Variants in GABRR1 observed in about 807,000 individuals in gnomAD.
GABRR1 encodes the protein gamma-aminobutyric acid type A receptor subunit rho1.
In GABRR1, 59 loss-of-function variants were observed where a neutral mutation model predicts 55.5. The ratio of observed to expected loss-of-function variants is 1.06; its 90% CI spans 0.86 to 1.32. The LOEUF (loss-of-function observed/expected upper bound fraction) is 1.32. Ranked by LOEUF, GABRR1 falls within the 40% of genes most tolerant of loss-of-function variation. The probability of loss-of-function intolerance (pLI) is 0.00; values close to 1 mark genes in which losing one functional copy is unlikely to be tolerated. For missense variants in GABRR1, 602 were observed against 619.1 expected, an observed-to-expected ratio of 0.97 and a Z score of 0.29; for synonymous variants, 213 against 226.0, an observed-to-expected ratio of 0.94 and a Z score of 0.51.
chr6:89,184,243 G>A (rs1263864947), intron 7 of GABRR1, among the ~76,000 whole-genome samples: 5 of 121,834 alleles, frequency 4.1e-5, no homozygotes, highest in Non-Finnish European at 6.5e-5. Context: ...GTGAGACTCC[G>A]TCTCAAAAAA....
chr6:89,192,409 T>C (rs1328906160), intron 5 of GABRR1, among the ~76,000 whole-genome samples: 1 of 152,014 alleles, frequency 6.6e-6, no homozygotes, highest in East Asian at 1.9e-4. Flanking sequence ...CTGCACAGTG[T>C]CCCAAACTGC....
At chr6:89,188,656 C>T (rs185431104) in intron 6 of GABRR1, among the ~76,000 whole-genome samples, 1 of 152,140 alleles carries the variant, frequency 6.6e-6, no homozygotes, top group East Asian at 1.9e-4. Flanking sequence ...TTCTGGATAT[C>T]AATCCTTTAT....
chr6:89,181,840 C>T, intron 8 of GABRR1, 65 bp downstream of exon 8: 1 of 1,437,220 alleles, frequency 7.0e-7, no homozygotes, highest in Non-Finnish European at 9.4e-7. Context: ...ATGGTTTTAT[C>T]TGGAAGGAAT....
At chr6:89,196,970 G>T (rs546863318) in intron 5 of GABRR1, among the ~76,000 whole-genome samples, 5 of 152,132 alleles carry the variant, frequency 3.3e-5, no homozygotes, top group African/African-American at 1.2e-4. Flanking sequence ...TGGGGAAGGG[G>T]TTGCACATCC....
At chr6:89,213,001 T>G (rs574142472) in intron 1 of GABRR1, among the ~76,000 whole-genome samples, 76 of 152,254 alleles carry the variant, frequency 5.0e-4, no homozygotes, top group Middle Eastern at 3.4e-3. Context: ...TCTAGAAACA[T>G]TGCCCAGTGC....
intron 5 of GABRR1, among the ~76,000 whole-genome samples, chr6:89,192,141 T>G (rs1772114123): frequency 6.6e-6 from 1 of 150,814 alleles, no homozygotes; most frequent in Admixed American, 6.6e-5. Flanking sequence ...GACAGGGAGG[T>G]GGGCGCAGGG....
chr6:89,226,141 G>A (rs1284890134), intron 1 of GABRR1, among the ~76,000 whole-genome samples: 1 of 151,858 alleles, frequency 6.6e-6, no homozygotes, highest in Non-Finnish European at 1.5e-5. Flanking sequence ...ATTTGTTTGA[G>A]TTCATTGTAG....
intron 1 of GABRR1, among the ~76,000 whole-genome samples, chr6:89,230,843 C>T (rs1478790290): frequency 1.3e-5 from 2 of 149,964 alleles, no homozygotes; most frequent in Admixed American, 6.6e-5. Flanking sequence ...TGGGCAATGG[C>T]GGGCACCCCT....
chr6:89,205,494 A>G (rs1772613489), intron 1 of GABRR1: 1 of 152,262 alleles, frequency 6.6e-6, no homozygotes, highest in African/African-American at 2.4e-5. Flanking sequence ...CATAGGGTGT[A>G]CATTTGTTGA....
At position 89,182,069 on chromosome 6, in the gene GABRR1, A is replaced by C. The variant is rs1399381773; in HGVS notation, c.797-12T>G. 15 of 1,613,844 alleles carry C rather than the reference A, an allele frequency of 9.3e-6. No homozygotes were observed. The highest frequency in any genetic ancestry group is 1.3e-5 in the Non-Finnish European group (15 of 1,179,794). On this transcript the variant is annotated splice_polypyrimidine_tract_variant and intron_variant, in intron 7 of 9. Transcript: ENST00000454853. ...ACGGTTGTACCAGCCTGGGGGACAC[A>C]GGAATAAAAGACAGTACACATCATG... is the stretch of plus-strand genomic sequence containing the variant.
At chr6:89,221,382 C>T (rs550827926), upstream of GABRR1, 3 of 152,344 alleles carry the variant, frequency 2.0e-5, no homozygotes, top group Admixed American at 2.0e-4. Context: ...TTTCTAGCCA[C>T]AGTCAGCCCT....
intron 6 of GABRR1, 45 bp downstream of exon 6, chr6:89,190,120 A>G: frequency 7.4e-7 from 1 of 1,356,868 alleles, no homozygotes; most frequent in Non-Finnish European, 1.0e-6. Flanking sequence ...GGTGTTGAGA[A>G]TTATCAGGAG....
chr6:89,218,559 C>T (rs1773060945), upstream of GABRR1, among the ~76,000 whole-genome samples: 1 of 152,192 alleles, frequency 6.6e-6, no homozygotes, highest in African/African-American at 2.4e-5. Flanking sequence ...AACTCTTACC[C>T]AGTCTCTCTA....
chr6:89,230,952 A>T (rs1290430569), intron 1 of GABRR1, among the ~76,000 whole-genome samples: 2 of 151,644 alleles, frequency 1.3e-5, no homozygotes, highest in African/African-American at 2.4e-5. Flanking sequence ...CAGGTGTGGG[A>T]TATAGTCTCG....
rs192974440 is a variant in GABRR1, at chr6:89,180,727, G to A, written c.950-239C>T. On this transcript the variant is annotated intron_variant, in intron 8 of 9. Transcript: ENST00000454853. Reference sequence around the variant, plus strand: ...CCTCTGCATACCCTGTGTATTCATCGTAGCATCTGTGTCACTATTCTTCTG... The same window carrying A: ...CCTCTGCATACCCTGTGTATTCATCATAGCATCTGTGTCACTATTCTTCTG... 1.1e-4 allele frequency among the ~76,000 whole-genome samples: 16 copies of A among 152,108 alleles called. No individual in the cohort carries two copies. The East Asian group carries it at 1.7e-3, about 17-fold the overall frequency.
At position 89,181,942 on chromosome 6, in the gene GABRR1, C is replaced by T. The variant is rs1449197780; in HGVS notation, c.912G>A (p.Trp304Ter). The T allele has an allele frequency of 6.2e-7, 1 of 1,613,976 alleles. No individual in the cohort carries two copies. The highest frequency in any genetic ancestry group is 1.1e-5 in the South Asian group (1 of 91,028). Reference sequence around the variant, plus strand: ...TGGCAGGCACGGCTCTGCGGTCGATCCAGAAGGACACCCAGGACAGCATGA... The same window carrying T: ...TGGCAGGCACGGCTCTGCGGTCGATTCAGAAGGACACCCAGGACAGCATGA... Reference protein sequence around the residue: ...LMVMLSWVSFWIDRRAVPARV... With the variant: ...LMVMLSWVSF Residue 304 changes from tryptophan to a stop codon, truncating the protein, a stop_gained, in exon 8 of 10, where the codon TGG becomes TGA. Transcript: ENST00000454853. LOFTEE classifies it high-confidence loss of function.
intron 2 of GABRR1, among the ~76,000 whole-genome samples, chr6:89,202,799 G>A (rs1772521053): frequency 6.6e-6 from 1 of 152,060 alleles, no homozygotes; most frequent in South Asian, 2.1e-4. Context: ...CAGGGCTCGA[G>A]TGATCCTGGA....
intron 1 of GABRR1, chr6:89,204,789 T>C: frequency 4.3e-6 from 2 of 469,222 alleles, no homozygotes; most frequent in South Asian, 5.4e-5. Flanking sequence ...CATGCCCATG[T>C]AAAAAAATTT....
At chr6:89,182,279 C>T (rs189475694) in intron 7 of GABRR1, among the ~76,000 whole-genome samples, 10 of 152,254 alleles carry the variant, frequency 6.6e-5, no homozygotes, top group African/African-American at 1.7e-4. Flanking sequence ...TATTTACAAA[C>T]GGAATCCCTT....
Sources: allele counts gnomAD v4.1 joint callset (sites outside exome capture counted in the v4.1 genomes callset), GRCh38; gene constraint gnomAD v4.1.1; transcripts MANE v1.5; gene names NCBI Gene and HGNC (gene_info 2026-07-23, HGNC 2026-07-21).